The following HIVEP3 variants were observed in gnomAD, a reference collection of about 807,000 sequenced individuals.
HIVEP3 encodes transcription factor HIVEP3.
In HIVEP3, 49 loss-of-function variants were observed where a neutral mutation model predicts 152.8. The ratio of observed to expected loss-of-function variants is 0.32; its 90% CI spans 0.26 to 0.41. The LOEUF is 0.41. Ranked by LOEUF, HIVEP3 falls within the 10% of genes least tolerant of loss-of-function variation. HIVEP3 has a pLI of 1.00. For synonymous variants in HIVEP3, 1,269 were observed against 1,289.0 expected, an observed-to-expected ratio of 0.98 and a Z score of 0.33; for missense variants, 2,790 against 3,103.3, an observed-to-expected ratio of 0.90 and a Z score of 2.40.
chr1:41,547,405 G>C (rs1354782886), intron 5 of HIVEP3, among the ~76,000 whole-genome samples: 1 of 152,192 alleles, frequency 6.6e-6, no homozygotes, highest in Non-Finnish European at 1.5e-5. Flanking sequence ...GGAGGGCCAG[G>C]GAGGCTCCAG....
chr1:41,928,028 T>G (rs1248071110), intron 1 of HIVEP3, among the ~76,000 whole-genome samples: 1 of 120,866 alleles, frequency 8.3e-6, no homozygotes, highest in Non-Finnish European at 1.6e-5. Flanking sequence ...AGCATTACAC[T>G]CCTGCCTGGG....
At chr1:41,635,289 A>G (rs1645251875) in intron 2 of HIVEP3, among the ~76,000 whole-genome samples, 1 of 152,174 alleles carries the variant, frequency 6.6e-6, no homozygotes, top group South Asian at 2.1e-4. Flanking sequence ...TGAGTAGTGC[A>G]ATCAAAGCTG....
intron 1 of HIVEP3, among the ~76,000 whole-genome samples, chr1:41,706,312 C>T (rs6600385): frequency 0.071 from 10,861 of 152,046 alleles, 886 homozygotes; most frequent in African/African-American, 0.2. Context: ...TTTTTTGAGA[C>T]GGAGTCTTGC....
At chr1:41,725,793 A>G (rs1263076198) in intron 1 of HIVEP3, among the ~76,000 whole-genome samples, 1 of 152,244 alleles carries the variant, frequency 6.6e-6, no homozygotes, top group Admixed American at 6.5e-5. Flanking sequence ...AGTGGCTCAG[A>G]GAGATGAGTT....
intron 1 of HIVEP3, among the ~76,000 whole-genome samples, chr1:41,801,761 TA>T (rs368381179): frequency 1.8e-4 from 26 of 145,220 alleles, no homozygotes; most frequent in African/African-American, 2.5e-4. Flanking sequence ...TAAAATAAGA[TA>T]AAAAAAAAAT....
chr1:41,994,773 T>TA, intron 1 of HIVEP3, among the ~76,000 whole-genome samples: 1 of 152,140 alleles, frequency 6.6e-6, no homozygotes. Context: ...ATGCAAACTA[T>TA]AAAACAACTA....
At chr1:41,881,888 G>A (rs528936439) in intron 1 of HIVEP3, among the ~76,000 whole-genome samples, 1 of 152,248 alleles carries the variant, frequency 6.6e-6, no homozygotes, top group South Asian at 2.1e-4. Flanking sequence ...GGCTGCCTGT[G>A]GTATGTCCAG....
chr1:41,879,697 T>C (rs796724), intron 1 of HIVEP3, among the ~76,000 whole-genome samples: 61,356 of 152,070 alleles, frequency 0.4, 13,659 homozygotes, highest in Admixed American at 0.49. Context: ...TTCCTCCACC[T>C]AGAAAAGTGC....
chr1:42,027,876 C>A (rs1006822829), intron 1 of HIVEP3, among the ~76,000 whole-genome samples: 1 of 152,178 alleles, frequency 6.6e-6, no homozygotes, highest in Non-Finnish European at 1.5e-5. Context: ...GAAAGACTGG[C>A]CCCCATGATT....
At chr1:41,886,659 C>T (rs1293750962) in intron 1 of HIVEP3, among the ~76,000 whole-genome samples, 2 of 131,838 alleles carry the variant, frequency 1.5e-5, no homozygotes, top group African/African-American at 2.9e-5. Context: ...TTGTGGTGAG[C>T]TGAGATCGCG....
At chr1:41,723,202 CAGT>C (rs1357231661) in intron 1 of HIVEP3, among the ~76,000 whole-genome samples, 1 of 152,052 alleles carries the variant, frequency 6.6e-6, no homozygotes, top group Admixed American at 6.5e-5. Context: ...AGGCTGTTAG[CAGT>C]AGGAGTGACA....
chr1:42,026,297 A>G (rs1645581876), intron 1 of HIVEP3, among the ~76,000 whole-genome samples: 1 of 152,180 alleles, frequency 6.6e-6, no homozygotes, highest in Non-Finnish European at 1.5e-5. Context: ...TACTTTGACA[A>G]AAACCTCCTT....
Position 41,580,752 on chromosome 1 carries a change from C to A in HIVEP3, c.4046G>T (p.Ser1349Ile). 1 of 1,587,316 alleles carries A rather than the reference C, an allele frequency of 6.3e-7. No homozygotes were observed. ...CTTGGGAAGTGCCACAGTTGCTGAG[C>A]TGCCTTGGGACTGGGTGACCAAGAT... is the stretch of plus-strand genomic sequence containing the variant. ...SQILVTQSQG[S>I]SATVALPKFE... The change falls in exon 4 of 9, where the codon AGC (serine) becomes ATC (isoleucine). Residue 1349 changes from serine (S) to isoleucine (I), a missense_variant. Physicochemically the swap from Ser to Ile is moderately radical, Grantham distance 142 (BLOSUM62 -2). This residue lies in a region of HIVEP3 where 1,078 missense variants were observed against 1,165.3 expected (regional missense o/e 0.93). Transcript: ENST00000372583.
At chr1:41,540,341 A>T (rs779075015) in intron 5 of HIVEP3, among the ~76,000 whole-genome samples, 3 of 152,372 alleles carry the variant, frequency 2.0e-5, no homozygotes, top group Middle Eastern at 3.4e-3. Flanking sequence ...AGGTGTCAGC[A>T]CCATGAAGGC....
At chr1:41,556,259 G>A (rs1197272380) in intron 5 of HIVEP3, among the ~76,000 whole-genome samples, 1 of 152,190 alleles carries the variant, frequency 6.6e-6, no homozygotes, top group Non-Finnish European at 1.5e-5. Context: ...GCGTACAAAG[G>A]TTCCAATTTC....
intron 1 of HIVEP3, among the ~76,000 whole-genome samples, chr1:42,002,172 G>A (rs1645431982): frequency 6.6e-6 from 1 of 152,150 alleles, no homozygotes; most frequent in Non-Finnish European, 1.5e-5. Context: ...GTCTGACAAT[G>A]ACTCGCTGAC....
At chr1:41,903,160 G>A (rs990990881) in intron 1 of HIVEP3, among the ~76,000 whole-genome samples, 1 of 152,162 alleles carries the variant, frequency 6.6e-6, no homozygotes, top group Non-Finnish European at 1.5e-5. Flanking sequence ...CCAACTCTGT[G>A]CTAGAAATGA....
At chr1:42,022,187 C>T (rs1645558423) in intron 1 of HIVEP3, among the ~76,000 whole-genome samples, 1 of 152,214 alleles carries the variant, frequency 6.6e-6, no homozygotes, top group Non-Finnish European at 1.5e-5. Context: ...CTTTTATGTT[C>T]ACATCACTAC....
intron 1 of HIVEP3, among the ~76,000 whole-genome samples, chr1:41,810,816 C>T (rs1226089312): frequency 1.3e-5 from 2 of 152,226 alleles, no homozygotes; most frequent in Non-Finnish European, 2.9e-5. Flanking sequence ...AGTTTTCTAA[C>T]TTTTCACCTC....
Sources: gnomAD v4.1 joint callset for allele counts (sites outside exome capture counted in the v4.1 genomes callset) on GRCh38, gnomAD v4.1.1 for gene constraint, gnomAD v4.1.1 regional missense constraint, MANE v1.5 for transcripts, NCBI Gene and HGNC (gene_info 2026-07-23, HGNC 2026-07-21) for gene names.